RBM18: variants seen among roughly 807,000 people sequenced by gnomAD.
RBM18 encodes the protein probable RNA-binding protein 18.
In RBM18, 18 loss-of-function variants were observed where a neutral mutation model predicts 26.4. That is an observed-to-expected ratio of 0.68 (90% CI 0.47 to 1.01). The LOEUF (loss-of-function observed/expected upper bound fraction) is 1.01. RBM18 is among the 50% of genes least tolerant of loss of function. RBM18 has a pLI of 0.00. For missense variants in RBM18, 180 were observed against 219.2 expected (o/e 0.82, Z 1.13); for synonymous variants, 74 against 81.1 (o/e 0.91, Z 0.47).
In RBM18 at chr9:122,238,619, G is replaced by A. The variant is rs1188256886; in HGVS notation, c.*3265C>T. 1.3e-5 allele frequency: 2 copies of A among 152,334 alleles called. No individual in the cohort carries two copies. Among genetic ancestry groups the A allele is most frequent in the Middle Eastern group, 3.4e-3 (1 of 294 alleles). 9.4% of individuals were successfully genotyped at this position (152,334 alleles called of 1,614,324 possible). ...CGTGGCTGCAGTACACCGCACAAGG[G>A]GAGAACAGTAGGCTATAGGGTCAGA... On this transcript the variant is annotated 3_prime_UTR_variant, in exon 6 of 6. Transcript: ENST00000417201.
chr9:122,242,659 T>C (rs887038457), intron 5 of RBM18, among the ~76,000 whole-genome samples: 13 of 135,258 alleles, frequency 9.6e-5, no homozygotes, highest in South Asian at 5.3e-4. Context: ...ATTTTACTTA[T>C]ACTGTTTTTT....
rs1831794553 is a variant in RBM18 at position 122,261,459 on chromosome 9, T to C, written c.34A>G (p.Asn12Asp). ...GAGCCCTCTGAAAGGATGGATGCAT[T>C]CTCCAGGGGAAGAGTTTTGGTTTCT... is the stretch of plus-strand genomic sequence containing the variant. ...EAETKTLPLE[N>D]ASILSEGSLQ... Residue 12 changes from asparagine (N) to aspartate (D), a missense_variant, in exon 2 of 6, where the codon AAT becomes GAT. Physicochemically the swap from Asn to Asp is conservative, Grantham distance 23 (BLOSUM62 1). Transcript: ENST00000417201. The C allele has an allele frequency of 6.2e-7, 1 of 1,614,146 alleles. No individual in the cohort carries two copies. The highest frequency in any genetic ancestry group is 8.5e-7 in the Non-Finnish European group (1 of 1,179,984).
At position 122,241,757 on chromosome 9, in the gene RBM18, T is replaced by C. The variant is rs1213044635; in HGVS notation, c.*127A>G. 3 of 762,862 alleles carry C rather than the reference T, an allele frequency of 3.9e-6. No homozygotes were observed. The highest frequency in any genetic ancestry group is 1.8e-5 in the African/African-American group (1 of 56,764). 47.3% of individuals were successfully genotyped at this position (762,862 alleles called of 1,614,324 possible). On this transcript the variant is annotated 3_prime_UTR_variant, in exon 6 of 6. Transcript: ENST00000417201. The stretch of plus-strand genomic sequence containing the variant: ...TCCATAAGAACATCCAAAAACATTA[T>C]GTTACCAAATGCTAACATGTGATTG...
chr9:122,245,399 A>G lies in RBM18; in HGVS notation c.328-58T>C, dbSNP rs183315424. 6.8e-4 allele frequency: 724 copies of G among 1,058,950 alleles called. 3 individuals are homozygous for G. The African/African-American group carries it at 0.01, about 15-fold the overall frequency. 65.6% of individuals were successfully genotyped at this position (1,058,950 alleles called of 1,614,324 possible). On this transcript the variant is annotated intron_variant, in intron 4 of 5. Transcript: ENST00000417201. ...TGGGCAGAAACCAGCCCTTTACTGT[A>G]GTGGATGGGTTCAGAAACTAATACC...
In RBM18 at chr9:122,238,610, C is replaced by T. The variant is rs1187549140; in HGVS notation, c.*3274G>A. The T allele has an allele frequency of 3.9e-5, 6 of 152,178 alleles. No homozygotes were observed. Among genetic ancestry groups the T allele is most frequent in the Admixed American group, 3.3e-4 (5 of 15,278 alleles). 9.4% of individuals were successfully genotyped at this position (152,178 alleles called of 1,614,324 possible). ...GAAGGCCAACGTGGCTGCAGTACACCGCACAAGGGGAGAACAGTAGGCTAT... is the reference window on the plus strand; with the variant it reads ...GAAGGCCAACGTGGCTGCAGTACACTGCACAAGGGGAGAACAGTAGGCTAT... On this transcript the variant is annotated 3_prime_UTR_variant, in exon 6 of 6. Transcript: ENST00000417201.
At chr9:122,254,207 A>C (rs1357433255) in intron 2 of RBM18, 9 of 257,370 alleles carry the variant, frequency 3.5e-5, no homozygotes, top group African/African-American at 4.6e-5. Context: ...AAAAAAAAAA[A>C]CACACACACC....
At chr9:122,258,932 A>C (rs1394244987) in intron 2 of RBM18, among the ~76,000 whole-genome samples, 1 of 151,526 alleles carries the variant, frequency 6.6e-6, no homozygotes, top group Non-Finnish European at 1.5e-5. Flanking sequence ...AAAAAGAAGA[A>C]GAAGAAAAAA....
At position 122,241,720 on chromosome 9, in the gene RBM18, A is replaced by AG; in HGVS notation, c.*163dup. ...TGATGCTCAATTCCATACATAGTTT[A>AG]GGGAAGAAACATCCATAAGAACATC... is the stretch of plus-strand genomic sequence containing the variant. On this transcript the variant is annotated 3_prime_UTR_variant, in exon 6 of 6. Transcript: ENST00000417201. 1.5e-5 allele frequency: 9 copies of AG among 595,418 alleles called. No individual in the cohort carries two copies. The highest frequency in any genetic ancestry group is 2.3e-5 in the Non-Finnish European group (8 of 343,776). 36.9% of individuals were successfully genotyped at this position (595,418 alleles called of 1,614,324 possible).
At chr9:122,246,472 T>C (rs941878337) in intron 4 of RBM18, among the ~76,000 whole-genome samples, 11 of 152,256 alleles carry the variant, frequency 7.2e-5, no homozygotes, top group Non-Finnish European at 1.3e-4. Flanking sequence ...TTCAATGAGA[T>C]GCAGAACGAG....
intron 2 of RBM18, among the ~76,000 whole-genome samples, chr9:122,258,441 G>T (rs757383051): frequency 6.6e-6 from 1 of 151,974 alleles, no homozygotes; most frequent in Non-Finnish European, 1.5e-5. Flanking sequence ...GATAATTTTT[G>T]TATTTTTAGT....
In RBM18 at chr9:122,239,273, G is replaced by A. The variant is rs1831375237; in HGVS notation, c.*2611C>T. On this transcript the variant is annotated 3_prime_UTR_variant, in exon 6 of 6. Transcript: ENST00000417201. ...TCTGTTGCCCAGGCTGGAGTGCAGT[G>A]GCACAATCTCGGCTCACTGGAACCT... The A allele has an allele frequency of 6.6e-6, 1 of 151,922 alleles. No homozygotes were observed. The highest frequency in any genetic ancestry group is 1.5e-5 in the Non-Finnish European group (1 of 67,994). The allele number at this position is 151,922 out of a possible 1,614,324, so 9.4% of individuals were successfully genotyped here. A position where few individuals can be genotyped will look rare whatever the true frequency, so the allele number is the denominator to read the frequency against.
At chr9:122,261,218 A>G (rs1373541877) in intron 2 of RBM18, among the ~76,000 whole-genome samples, 162 bp downstream of exon 2, 1 of 152,194 alleles carries the variant, frequency 6.6e-6, no homozygotes, top group East Asian at 1.9e-4. Flanking sequence ...AAATGTAAAA[A>G]AAGTGACAAG....
In RBM18 at chr9:122,254,067, C is replaced by CA. The variant is rs1214817101; in HGVS notation, c.114-2095dup. ...AAAAAAACCCACAAAAACACACACA[C>CA]ACAAAAAAAACAAAAAAGACAATCT... On this transcript the variant is annotated intron_variant, in intron 2 of 5. Coordinates refer to ENST00000417201, the MANE Select transcript of RBM18 (RefSeq NM_033117.4). 3.0e-4 allele frequency among the ~76,000 whole-genome samples: 45 copies of CA among 147,980 alleles called. 1 individual carries two copies. The highest frequency in any genetic ancestry group is 3.5e-3 in the Middle Eastern group (1 of 288).
chr9:122,246,196 C>G (rs1306188526), intron 4 of RBM18, among the ~76,000 whole-genome samples: 2 of 152,028 alleles, frequency 1.3e-5, no homozygotes, highest in Non-Finnish European at 2.9e-5. Flanking sequence ...AAAATAAAGA[C>G]AGGGTCTTAC....
chr9:122,250,826 A>G (rs544295013), intron 3 of RBM18, among the ~76,000 whole-genome samples: 120 of 152,050 alleles, frequency 7.9e-4, no homozygotes, highest in African/African-American at 2.8e-3. Flanking sequence ...AGTGATTTAC[A>G]TTTTCTTTCT....
intron 2 of RBM18, among the ~76,000 whole-genome samples, chr9:122,256,321 G>A (rs1177343740): frequency 6.6e-6 from 1 of 151,970 alleles, no homozygotes; most frequent in Admixed American, 6.6e-5. Flanking sequence ...CTTTATTTAC[G>A]ATTTTCCCTC....
At chr9:122,255,055 A>T (rs1254094885) in intron 2 of RBM18, among the ~76,000 whole-genome samples, 1 of 152,210 alleles carries the variant, frequency 6.6e-6, no homozygotes, top group African/African-American at 2.4e-5. Context: ...GTTGTGAAGG[A>T]TGTCGTAGGC....
intron 5 of RBM18, among the ~76,000 whole-genome samples, chr9:122,244,615 A>G (rs1831475446): frequency 6.6e-6 from 1 of 152,240 alleles, no homozygotes. Context: ...CGTAAGCTCA[A>G]TAAATCCTGG....
intron 3 of RBM18, among the ~76,000 whole-genome samples, chr9:122,247,942 G>C (rs1467851150): frequency 6.6e-6 from 1 of 151,914 alleles, no homozygotes; most frequent in African/African-American, 2.4e-5. Context: ...GAACCACCAC[G>C]CCTGGCTAAT....
Sources: allele counts gnomAD v4.1 joint callset (sites outside exome capture counted in the v4.1 genomes callset), GRCh38; gene constraint gnomAD v4.1.1; transcripts MANE v1.5; gene names NCBI Gene and HGNC (gene_info 2026-07-23, HGNC 2026-07-21).